WRNIP1: variants seen among roughly 807,000 people sequenced by gnomAD.
WRNIP1 encodes the protein WRN helicase interacting protein 1.
WRNIP1 carries 41 observed loss-of-function variants against 56.1 expected under a neutral mutation model. That is an observed-to-expected ratio of 0.73 (90% confidence interval 0.57 to 0.95). WRNIP1 has a LOEUF of 0.95. WRNIP1 is among the 40% of genes least tolerant of loss of function. The probability of loss-of-function intolerance (pLI) is 0.00; values close to 1 mark genes in which losing one functional copy is unlikely to be tolerated. For missense variants in WRNIP1, 1,170 were observed against 939.4 expected, an observed-to-expected ratio of 1.25 and a Z score of -3.21; for synonymous variants, 547 against 398.1, an observed-to-expected ratio of 1.37 and a Z score of -4.45.
At chr6:2,768,163 A>C (rs944607637) in intron 1 of WRNIP1, among the ~76,000 whole-genome samples, 4 of 152,198 alleles carry the variant, frequency 2.6e-5, no homozygotes, top group African/African-American at 9.7e-5. Flanking sequence ...GAACATGCAG[A>C]AGTGGCCTAC....
chr6:2,765,774 C>A lies in WRNIP1; in HGVS notation c.152C>A (p.Ala51Glu). 6.9e-7 allele frequency: 1 copy of A among 1,455,640 alleles called. No individual in the cohort carries two copies. The highest frequency in any genetic ancestry group is 9.0e-7 in the Non-Finnish European group (1 of 1,106,434). 90.2% of individuals were successfully genotyped at this position (1,455,640 alleles called of 1,614,324 possible). A position where few individuals can be genotyped will look rare whatever the true frequency, so the allele number is the denominator to read the frequency against. The change falls in exon 1 of 7, where the codon GCG becomes GAG. Residue 51 changes from alanine to glutamate, a missense_variant. Coordinates refer to ENST00000380773, the MANE Select transcript of WRNIP1 (RefSeq NM_020135.3). Reference protein sequence around the residue: ...LLHPAGHAEPAAGSHRAGERA... With the variant: ...LLHPAGHAEPEAGSHRAGERA... ...CACCCGGCGGGGCACGCGGAGCCCGCGGCCGGGTCGCACCGCGCCGGGGAG... is the reference window on the plus strand; with the variant it reads ...CACCCGGCGGGGCACGCGGAGCCCGAGGCCGGGTCGCACCGCGCCGGGGAG...
chr6:2,766,955 G>A (rs902827173), intron 1 of WRNIP1, among the ~76,000 whole-genome samples: 2 of 152,106 alleles, frequency 1.3e-5, no homozygotes, highest in Non-Finnish European at 2.9e-5. Context: ...TTAAGAATAA[G>A]TTTATTTAAC....
chr6:2,784,429 A>C (rs1486307942), intron 6 of WRNIP1, 26 bp downstream of exon 6: 2 of 1,608,784 alleles, frequency 1.2e-6, no homozygotes, highest in Non-Finnish European at 1.7e-6. Context: ...CATTTCTTGC[A>C]AATCACTTCT....
rs1395438803 is a variant in WRNIP1, at chr6:2,766,141, TGGCGACGGGGAC to T, written c.521_532del (p.Gly174_Asp177del). On this transcript the variant is annotated inframe_deletion, in exon 1 of 7. Coordinates refer to ENST00000380773, the MANE Select transcript of WRNIP1 (RefSeq NM_020135.3). ...AGGAGGAGGCCGTGGGCGACGGCGATGGCGACGGGGACGCGGACGCGGACGGCGAGGACGACC... is the reference window on the plus strand; with the variant it reads ...AGGAGGAGGCCGTGGGCGACGGCGATGCGGACGCGGACGGCGAGGACGACC... The T allele has an allele frequency of 4.0e-6, 5 of 1,241,282 alleles. No homozygotes were observed. The South Asian group carries it at 8.9e-5, about 22-fold the overall frequency. The allele number at this position is 1,241,282 out of a possible 1,614,324, so 76.9% of individuals were successfully genotyped here.
intron 3 of WRNIP1, 134 bp from the exon 4 acceptor site, chr6:2,779,129 C>A: frequency 1.1e-6 from 1 of 895,870 alleles, no homozygotes; most frequent in Non-Finnish European, 1.7e-6. Context: ...AGCACATTGA[C>A]AAAGGTGAGA....
In WRNIP1 at chr6:2,770,199, A is replaced by C; in HGVS notation, c.1094A>C (p.Asn365Thr). The change falls in exon 3 of 7, where the codon AAC becomes ACC. Residue 365 changes from asparagine to threonine, a missense_variant. By Grantham distance (65) the Asn-to-Thr change is moderately conservative (BLOSUM62 0). Transcript: ENST00000380773. ...ACTGAAAACCCTTCCTTCCAGGTCA[A>C]CGCTGCTCTTCTGAGCCGCTGTCGA... ...ATTENPSFQVNAALLSRCRVI... is the reference protein window; with the variant it reads ...ATTENPSFQVTAALLSRCRVI... The C allele has an allele frequency of 6.2e-7, 1 of 1,614,196 alleles. No homozygotes were observed. The highest frequency in any genetic ancestry group is 8.5e-7 in the Non-Finnish European group (1 of 1,180,024).
At position 2,765,747 on chromosome 6, in the gene WRNIP1, TC is replaced by T; in HGVS notation, c.127del (p.His43ThrfsTer38). 6.6e-7 allele frequency: 1 copy of T among 1,506,084 alleles called. No homozygotes were observed. The highest frequency in any genetic ancestry group is 8.8e-7 in the Non-Finnish European group (1 of 1,134,206). The allele number at this position is 1,506,084 out of a possible 1,614,324, so 93.3% of individuals were successfully genotyped here. On this transcript the variant is annotated frameshift_variant, in exon 1 of 7. Transcript: ENST00000380773. LOFTEE classifies it high-confidence loss of function. ...INSHLDRCLLLHPAGHAEPAA... is the reference protein window; with the variant it reads ...INSHLDRCLLXHPAGHAEPAA... ...TCGCACCTGGACCGCTGTCTGCTGCTCCACCCGGCGGGGCACGCGGAGCCCG... is the reference window on the plus strand; with the variant it reads ...TCGCACCTGGACCGCTGTCTGCTGCTCACCCGGCGGGGCACGCGGAGCCCG...
At chr6:2,783,164 T>G (rs565586873) in intron 4 of WRNIP1, among the ~76,000 whole-genome samples, 136 of 152,294 alleles carry the variant, frequency 8.9e-4, no homozygotes, top group African/African-American at 3.0e-3. Flanking sequence ...GTGCGTGCAC[T>G]CCATGTCGAC....
At chr6:2,777,580 GT>G (rs1765461654) in intron 3 of WRNIP1, among the ~76,000 whole-genome samples, 10 of 152,230 alleles carry the variant, frequency 6.6e-5, no homozygotes, top group Non-Finnish European at 1.2e-4. Context: ...CACAGGTTGA[GT>G]GCAGTAAGGG....
chr6:2,770,933 C>T (rs1561910793), intron 3 of WRNIP1, among the ~76,000 whole-genome samples: 1 of 152,126 alleles, frequency 6.6e-6, no homozygotes, highest in East Asian at 1.9e-4. Flanking sequence ...TATAGGCTGT[C>T]CCTATCCTTT....
intron 1 of WRNIP1, 126 bp downstream of exon 1, chr6:2,766,570 A>G: frequency 7.2e-7 from 1 of 1,387,648 alleles, no homozygotes. Context: ...GGGGGTGCAG[A>G]CTTGGGCTGG....
rs542029273 is a variant in WRNIP1, at chr6:2,784,613, G to A, written c.1722+210G>A. ...CGAGGTCATGTTTCAAACTGTTCTCGGGATTCCGGGGTTCAGAGCACATGC... is the reference window on the plus strand; with the variant it reads ...CGAGGTCATGTTTCAAACTGTTCTCAGGATTCCGGGGTTCAGAGCACATGC... On this transcript the variant is annotated intron_variant, in intron 6 of 6. Transcript: ENST00000380773. Among the ~76,000 whole-genome samples, 45 of 152,234 alleles carry A rather than the reference G, an allele frequency of 3.0e-4. 1 individual carries two copies. Among genetic ancestry groups the A allele is most frequent in the Admixed American group, 1.8e-3 (27 of 15,296 alleles).
chr6:2,766,229 A>G lies in WRNIP1; in HGVS notation c.607A>G (p.Ser203Gly). The change falls in exon 1 of 7, where the codon AGT becomes GGT. Residue 203 changes from serine to glycine, a missense_variant. Ser to Gly is a moderately conservative substitution (Grantham distance 56, BLOSUM62 0). Coordinates refer to ENST00000380773, the MANE Select transcript of WRNIP1 (RefSeq NM_020135.3). ...CGAAGCCGCCACCGCCTTCGGGGCC[A>G]GTGGCGGGGGCCGCCCGCACCCCCG... ...AAEAATAFGA[S>G]GGGRPHPRAL... is the part of the protein sequence containing the mutation. The G allele has an allele frequency of 6.9e-7, 1 of 1,459,756 alleles. No individual in the cohort carries two copies. The highest frequency in any genetic ancestry group is 9.1e-7 in the Non-Finnish European group (1 of 1,104,320). 90.4% of individuals were successfully genotyped at this position (1,459,756 alleles called of 1,614,324 possible).
chr6:2,783,579 G>T lies in WRNIP1; in HGVS notation c.1642+18G>T. ...GGACATAGGTGAGTGTGATGGGAGGGTCCCGGAGTCCTATGTCCATGAGGG... is the reference window on the plus strand; with the variant it reads ...GGACATAGGTGAGTGTGATGGGAGGTTCCCGGAGTCCTATGTCCATGAGGG... On this transcript the variant is annotated intron_variant, in intron 5 of 6. Transcript: ENST00000380773. 1 of 1,563,104 alleles carries T rather than the reference G, an allele frequency of 6.4e-7. No homozygotes were observed. The highest frequency in any genetic ancestry group is 8.7e-7 in the Non-Finnish European group (1 of 1,149,716).
intron 3 of WRNIP1, chr6:2,772,938 G>A (rs1765342240): frequency 7.1e-6 from 7 of 981,126 alleles, no homozygotes; most frequent in Non-Finnish European, 7.3e-6. Context: ...CTCTCTCCAG[G>A]AAGCTATTGG....
At position 2,783,547 on chromosome 6, in the gene WRNIP1, C is replaced by T; in HGVS notation, c.1628C>T (p.Ala543Val). ...LYVARRLVRF[A>V]SEDIGLADPS... Reference sequence around the variant, plus strand: ...GTGGCACGGAGGCTTGTCAGGTTTGCCAGCGAGGACATAGGTGAGTGTGAT... The same window carrying T: ...GTGGCACGGAGGCTTGTCAGGTTTGTCAGCGAGGACATAGGTGAGTGTGAT... The change falls in exon 5 of 7, where the codon GCC (alanine) becomes GTC (valine). Residue 543 changes from alanine (A) to valine (V), a missense_variant. Transcript: ENST00000380773. The T allele has an allele frequency of 1.2e-6, 2 of 1,610,196 alleles. No individual in the cohort carries two copies. The highest frequency in any genetic ancestry group is 1.7e-6 in the Non-Finnish European group (2 of 1,178,398).
At chr6:2,766,508 G>A in intron 1 of WRNIP1, 64 bp downstream of exon 1, 1 of 1,439,582 alleles carries the variant, frequency 6.9e-7, no homozygotes, top group Non-Finnish European at 9.2e-7. Context: ...GCTGATGGTC[G>A]GAGAGCCGGG....
intron 4 of WRNIP1, among the ~76,000 whole-genome samples, chr6:2,782,536 A>C (rs1765586829): frequency 2.0e-5 from 3 of 152,192 alleles, no homozygotes; most frequent in Admixed American, 2.0e-4. Context: ...AGCACAGACC[A>C]GGTGCTCCTC....
chr6:2,774,301 A>G, intron 3 of WRNIP1: 1 of 985,130 alleles, frequency 1.0e-6, no homozygotes, highest in Non-Finnish European at 1.2e-6. Flanking sequence ...AACAATTGCC[A>G]CAAACTGGGT....
Sources: gnomAD v4.1 joint callset for allele counts (sites outside exome capture counted in the v4.1 genomes callset) on GRCh38, gnomAD v4.1.1 for gene constraint, MANE v1.5 for transcripts, NCBI Gene and HGNC (gene_info 2026-07-23, HGNC 2026-07-21) for gene names.